The following GDA variants were observed in gnomAD, a reference collection of about 807,000 sequenced individuals.
GDA encodes cytoplasmic PSD-95 interactor.
A neutral mutation model predicts 59.6 loss-of-function variants in GDA; 18 were observed. The ratio of observed to expected loss-of-function variants is 0.30; its 90% CI spans 0.21 to 0.45. GDA has a LOEUF of 0.45. Among genes scored for constraint, GDA ranks in the 20% least tolerant of loss-of-function variants. GDA has a pLI of 1.00. For missense variants in GDA, 427 were observed against 552.3 expected, an observed-to-expected ratio of 0.77 and a Z score of 2.27; for synonymous variants, 201 against 201.1, an observed-to-expected ratio of 1.00 and a Z score of 0.00.
At chr9:72,239,614 A>G (rs979484383) in intron 10 of GDA, among the ~76,000 whole-genome samples, 2 of 152,068 alleles carry the variant, frequency 1.3e-5, no homozygotes, top group Non-Finnish European at 2.9e-5. Context: ...CTTTATTTAT[A>G]TTTAACATTT....
chr9:72,222,574 C>T (rs1007392888), intron 6 of GDA, among the ~76,000 whole-genome samples: 3 of 152,160 alleles, frequency 2.0e-5, no homozygotes, highest in African/African-American at 7.2e-5. Context: ...TTAATTACAT[C>T]CCATTTATCA....
chr9:72,165,464 A>G (rs1448781251), intron 1 of GDA, among the ~76,000 whole-genome samples: 4 of 152,232 alleles, frequency 2.6e-5, no homozygotes, highest in Non-Finnish European at 4.4e-5. Flanking sequence ...TTATTTTCCT[A>G]TAAATGTGAG....
At chr9:72,172,800 G>A (rs1445530951) in intron 1 of GDA, among the ~76,000 whole-genome samples, 1 of 152,080 alleles carries the variant, frequency 6.6e-6, no homozygotes, top group Non-Finnish European at 1.5e-5. Context: ...ACTCTATTTT[G>A]AAACTCCCTC....
chr9:72,248,593 C>G lies in GDA; in HGVS notation c.*251C>G. 1 of 1,254,264 alleles carries G rather than the reference C, an allele frequency of 8.0e-7. No individual in the cohort carries two copies. Among genetic ancestry groups the G allele is most frequent in the Non-Finnish European group, 1.0e-6 (1 of 996,790 alleles). The allele number at this position is 1,254,264 out of a possible 1,614,324, so 77.7% of individuals were successfully genotyped here. A position where few individuals can be genotyped will look rare whatever the true frequency, so the allele number is the denominator to read the frequency against. On this transcript the variant is annotated 3_prime_UTR_variant, in exon 14 of 14. Coordinates refer to ENST00000358399, the MANE Select transcript of GDA (RefSeq NM_004293.5). The stretch of plus-strand genomic sequence containing the variant: ...GAGCTGCTCAGACTTACTTTAAGCT[C>G]AAACAGAAGGGAATGCTATTACTGG...
At chr9:72,222,072 C>T (rs1271633885) in intron 6 of GDA, among the ~76,000 whole-genome samples, 1 of 152,156 alleles carries the variant, frequency 6.6e-6, no homozygotes, top group African/African-American at 2.4e-5. Flanking sequence ...TTGGTATATA[C>T]CCTGTAATGG....
chr9:72,192,776 A>G (rs1428307720), intron 1 of GDA, among the ~76,000 whole-genome samples: 2 of 151,582 alleles, frequency 1.3e-5, no homozygotes, highest in Non-Finnish European at 2.9e-5. Context: ...GCTACTCAGG[A>G]GGCTGAGGCA....
chr9:72,154,406 C>A (rs1827646411), intron 1 of GDA, among the ~76,000 whole-genome samples: 1 of 152,168 alleles, frequency 6.6e-6, no homozygotes, highest in Non-Finnish European at 1.5e-5. Flanking sequence ...TTCCCTTTGC[C>A]TCCTAGCAAA....
intron 1 of GDA, among the ~76,000 whole-genome samples, chr9:72,150,651 A>G (rs1457130167): frequency 6.6e-6 from 1 of 152,220 alleles, no homozygotes; most frequent in Non-Finnish European, 1.5e-5. Flanking sequence ...GCAAAAGTAC[A>G]CATACTTGTG....
At chr9:72,117,724 T>A (rs1825505236) in intron 1 of GDA, among the ~76,000 whole-genome samples, 1 of 152,180 alleles carries the variant, frequency 6.6e-6, no homozygotes, top group African/African-American at 2.4e-5. Flanking sequence ...GCCCAATCAC[T>A]GTGGCAAAAT....
At chr9:72,161,256 A>G (rs963120085) in intron 1 of GDA, among the ~76,000 whole-genome samples, 1 of 152,012 alleles carries the variant, frequency 6.6e-6, no homozygotes, top group Non-Finnish European at 1.5e-5. Flanking sequence ...ACTTGATCTC[A>G]TGAGTCTCCC....
At position 72,250,854 on chromosome 9, in the gene GDA, C is replaced by G; in HGVS notation, c.*2512C>G. On this transcript the variant is annotated 3_prime_UTR_variant, in exon 14 of 14. Transcript: ENST00000358399. ...TACACTTTGAAAGGTAAAAACAATT[C>G]AAAAGTATCGATTATCATAAATTCA... 1.2e-6 allele frequency: 2 copies of G among 1,603,036 alleles called. No homozygotes were observed. Among genetic ancestry groups the G allele is most frequent in the Non-Finnish European group, 1.7e-6 (2 of 1,172,364 alleles).
chr9:72,241,609 C>T (rs1438868636), intron 11 of GDA, among the ~76,000 whole-genome samples: 1 of 152,090 alleles, frequency 6.6e-6, no homozygotes, highest in Non-Finnish European at 1.5e-5. Context: ...GGCCAGGTAC[C>T]TAAGAATCAC....
chr9:72,135,952 C>A lies in GDA; in HGVS notation c.-100+21119C>A, dbSNP rs373532663. Among the ~76,000 whole-genome samples the A allele has an allele frequency of 4.6e-5, 7 of 152,032 alleles. No individual in the cohort carries two copies. In the East Asian group the frequency reaches 7.8e-4, roughly 17 times the overall value. On this transcript the variant is annotated intron_variant, in intron 1 of 13. Coordinates refer to the GDA transcript ENST00000545168. The stretch of plus-strand genomic sequence containing the variant: ...CATAGTTTGACATTTATTTCTCTAA[C>A]TTCGGGTATTACAAATGGCACCTAC...
intron 6 of GDA, among the ~76,000 whole-genome samples, chr9:72,222,378 T>A (rs1398332251): frequency 6.6e-6 from 1 of 152,176 alleles, no homozygotes; most frequent in Non-Finnish European, 1.5e-5. Flanking sequence ...GTGAAAAGTG[T>A]CTGTTCATGT....
chr9:72,247,818 T>C (rs72727258), intron 13 of GDA, among the ~76,000 whole-genome samples: 3,361 of 152,160 alleles, frequency 0.022, 62 homozygotes, highest in South Asian at 0.055. Context: ...TTCCATTCAC[T>C]GAGAGAGAGA....
intron 6 of GDA, 28 bp from the exon 7 acceptor site, chr9:72,223,091 AG>A (rs768305225): frequency 9.6e-7 from 1 of 1,039,222 alleles, no homozygotes; most frequent in Admixed American, 1.8e-5. Context: ...TGTAAGGAAG[AG>A]GTATCAATTG....
intron 12 of GDA, among the ~76,000 whole-genome samples, chr9:72,246,233 T>C (rs976317363): frequency 2.6e-5 from 4 of 152,250 alleles, no homozygotes; most frequent in East Asian, 1.9e-4. Flanking sequence ...CTGCAACCAC[T>C]GCCTCCTGGG....
chr9:72,192,667 G>A (rs1832700700), intron 1 of GDA, among the ~76,000 whole-genome samples: 1 of 151,300 alleles, frequency 6.6e-6, no homozygotes, highest in Non-Finnish European at 1.5e-5. Context: ...AGATCACTAG[G>A]TCAGGAGATC....
intron 3 of GDA, 79 bp downstream of exon 3, chr9:72,202,821 A>G: frequency 8.8e-7 from 1 of 1,134,316 alleles, no homozygotes; most frequent in Non-Finnish European, 1.3e-6. Context: ...GATTTAAATT[A>G]TAAAGCATAA....
Sources: allele counts gnomAD v4.1 joint callset (sites outside exome capture counted in the v4.1 genomes callset), GRCh38; gene constraint gnomAD v4.1.1; transcripts MANE v1.5; gene names NCBI Gene and HGNC (gene_info 2026-07-23, HGNC 2026-07-21).